HPSE2: variants seen among roughly 807,000 people sequenced by gnomAD.
HPSE2 encodes inactive heparanase-2.
Under a neutral mutation model 60.5 loss-of-function variants are expected in HPSE2, and 38 were observed. The observed-to-expected ratio is 0.63, with a 90% CI of 0.48 to 0.82. The LOEUF (loss-of-function observed/expected upper bound fraction) is 0.82. Among genes scored for constraint, HPSE2 ranks in the 40% least tolerant of loss-of-function variants. The probability of loss-of-function intolerance (pLI) is 0.00; values close to 1 mark genes in which losing one functional copy is unlikely to be tolerated. For synonymous variants in HPSE2, 295 were observed against 293.2 expected (o/e 1.01, Z -0.06); for missense variants, 713 against 740.4 (o/e 0.96, Z 0.43).
intron 3 of HPSE2, among the ~76,000 whole-genome samples, chr10:98,966,641 C>T (rs769652958): frequency 6.6e-6 from 1 of 152,152 alleles, no homozygotes. Context: ...CCCTCTGTGA[C>T]GCGCCCCCTC....
At chr10:98,894,539 C>G (rs1397904863) in intron 3 of HPSE2, among the ~76,000 whole-genome samples, 1 of 151,578 alleles carries the variant, frequency 6.6e-6, no homozygotes, top group Non-Finnish European at 1.5e-5. Flanking sequence ...AAATTTCAGA[C>G]AATTAATGAC....
At chr10:98,482,222 C>T (rs538560182) in intron 11 of HPSE2, among the ~76,000 whole-genome samples, 1 of 152,214 alleles carries the variant, frequency 6.6e-6, no homozygotes, top group South Asian at 2.1e-4. Flanking sequence ...AGGGAGTCAG[C>T]ATTACAGAAT....
At chr10:98,749,947 T>TATATATACACACACAC in intron 3 of HPSE2, among the ~76,000 whole-genome samples, 7 of 98,456 alleles carry the variant, frequency 7.1e-5, no homozygotes, top group African/African-American at 1.7e-4. Flanking sequence ...TATATATATA[T>TATATATACACACACAC]ACACACACAC....
intron 3 of HPSE2, among the ~76,000 whole-genome samples, chr10:98,896,975 C>A (rs2134962033): frequency 6.6e-6 from 1 of 152,282 alleles, no homozygotes; most frequent in South Asian, 2.1e-4. Context: ...AAAAAGAAAG[C>A]ACCAGATTCA....
At chr10:98,726,229 C>G (rs1031663879) in intron 4 of HPSE2, among the ~76,000 whole-genome samples, 5 of 152,072 alleles carry the variant, frequency 3.3e-5, no homozygotes, top group African/African-American at 9.7e-5. Flanking sequence ...AGACTTGGAA[C>G]CCACCCAAAT....
At chr10:99,062,115 T>C (rs929281511) in intron 3 of HPSE2, among the ~76,000 whole-genome samples, 2 of 152,194 alleles carry the variant, frequency 1.3e-5, no homozygotes, top group Non-Finnish European at 2.9e-5. Context: ...TGAGTTAGAA[T>C]CCTAACCAAT....
At chr10:99,033,511 A>G (rs1178307056) in intron 3 of HPSE2, among the ~76,000 whole-genome samples, 1 of 152,140 alleles carries the variant, frequency 6.6e-6, no homozygotes, top group Non-Finnish European at 1.5e-5. Context: ...GGCCAGGCGC[A>G]GTGGCTTACA....
the HPSE2 span, among the ~76,000 whole-genome samples, chr10:99,263,062 G>A: frequency 3.3e-5 from 5 of 152,070 alleles, no homozygotes; most frequent in African/African-American, 1.2e-4. Context: ...GTTTTAAGCT[G>A]GCTCCCACAT....
At chr10:99,115,017 T>G (rs958759354) in intron 3 of HPSE2, among the ~76,000 whole-genome samples, 12 of 152,162 alleles carry the variant, frequency 7.9e-5, no homozygotes, top group Non-Finnish European at 1.6e-4. Context: ...AGGGTTGCTC[T>G]GTCACCCAGG....
chr10:98,538,960 C>G (rs903720034), intron 9 of HPSE2, among the ~76,000 whole-genome samples: 1 of 152,176 alleles, frequency 6.6e-6, no homozygotes, highest in Non-Finnish European at 1.5e-5. Flanking sequence ...TTTGACACAT[C>G]TTGTCTAAAT....
At chr10:99,004,794 A>T (rs1956855447) in intron 3 of HPSE2, among the ~76,000 whole-genome samples, 1 of 152,172 alleles carries the variant, frequency 6.6e-6, no homozygotes, top group African/African-American at 2.4e-5. Flanking sequence ...TTTCAACTTG[A>T]AGAACTACCT....
intron 2 of HPSE2, among the ~76,000 whole-genome samples, chr10:99,210,522 C>A (rs771504352): frequency 1.3e-5 from 2 of 152,116 alleles, no homozygotes; most frequent in Non-Finnish European, 2.9e-5. Flanking sequence ...AATTCCTCAA[C>A]AAAATGCTAA....
intron 3 of HPSE2, among the ~76,000 whole-genome samples, chr10:98,839,189 G>A (rs877816): frequency 0.75 from 113,532 of 152,090 alleles, 43,048 homozygotes; most frequent in Non-Finnish European, 0.83. Context: ...GCAACACTAA[G>A]GCTGAAAATT....
intron 2 of HPSE2, among the ~76,000 whole-genome samples, chr10:99,147,262 A>T (rs975139472): frequency 6.6e-6 from 1 of 152,234 alleles, no homozygotes; most frequent in Admixed American, 6.5e-5. Flanking sequence ...GTAGAATTAC[A>T]TTAAACAATA....
chr10:99,209,591 G>A (rs1270885803), intron 2 of HPSE2, among the ~76,000 whole-genome samples: 1 of 151,964 alleles, frequency 6.6e-6, no homozygotes, highest in Non-Finnish European at 1.5e-5. Flanking sequence ...AACAAACTAG[G>A]CCCAAAGTTA....
intron 9 of HPSE2, among the ~76,000 whole-genome samples, chr10:98,522,799 G>A (rs1054798940): frequency 1.3e-5 from 2 of 152,190 alleles, no homozygotes; most frequent in African/African-American, 4.8e-5. Context: ...ATCTTTGAAA[G>A]GAGGAGATGG....
At chr10:98,898,996 A>C (rs1269944949) in intron 3 of HPSE2, among the ~76,000 whole-genome samples, 1 of 152,250 alleles carries the variant, frequency 6.6e-6, no homozygotes, top group African/African-American at 2.4e-5. Flanking sequence ...AAAAATGGAT[A>C]ATACACCTAA....
In HPSE2 at chr10:98,600,911, GTATATA is replaced by G. The variant is rs71007402; in HGVS notation, c.1320+13987_1320+13992del. On this transcript the variant is annotated intron_variant, in intron 9 of 11. Transcript: ENST00000370552. ...TATATACGTATATATATGTGTGTGT[GTATATA>G]TATATATATATATATATATATATAG... Among the ~76,000 whole-genome samples, 349 of 73,720 alleles carry G rather than the reference GTATATA, an allele frequency of 4.7e-3. 5 individuals carry two copies. Among genetic ancestry groups the G allele is most frequent in the African/African-American group, 0.012 (329 of 27,014 alleles). 48.4% of individuals were successfully genotyped at this position (73,720 alleles called of 152,430 possible).
chr10:98,807,555 C>T (rs913846276), intron 3 of HPSE2, among the ~76,000 whole-genome samples: 1 of 152,220 alleles, frequency 6.6e-6, no homozygotes, highest in Admixed American at 6.5e-5. Context: ...TGTTAGCTCA[C>T]TTGCTCCCAC....
Sources: gnomAD v4.1 joint callset for allele counts (sites outside exome capture counted in the v4.1 genomes callset) on GRCh38, gnomAD v4.1.1 for gene constraint, MANE v1.5 for transcripts, NCBI Gene and HGNC (gene_info 2026-07-23, HGNC 2026-07-21) for gene names.